The following CNTNAP2 variants were observed in gnomAD, a reference collection of about 807,000 sequenced individuals.
CNTNAP2 encodes contactin associated protein 2.
A neutral mutation model predicts 155.2 loss-of-function variants in CNTNAP2; 98 were observed. The ratio of observed to expected loss-of-function variants is 0.63; its 90% CI spans 0.54 to 0.75. The LOEUF is 0.75. CNTNAP2 is among the 30% of genes least tolerant of loss of function. The pLI is 0.00. For synonymous variants in CNTNAP2, 651 were observed against 631.2 expected (o/e 1.03, Z -0.47); for missense variants, 1,727 against 1,688.1 (o/e 1.02, Z -0.40).
chr7:147,111,486 T>G (rs2129280374), intron 5 of CNTNAP2, among the ~76,000 whole-genome samples: 1 of 152,284 alleles, frequency 6.6e-6, no homozygotes, highest in East Asian at 1.9e-4. Context: ...TCTTCTAAGG[T>G]TTTTAGAGTT....
intron 21 of CNTNAP2, among the ~76,000 whole-genome samples, chr7:148,302,561 T>G (rs935708514): frequency 6.6e-6 from 1 of 152,166 alleles, no homozygotes; most frequent in Non-Finnish European, 1.5e-5. Flanking sequence ...AATCCCCATG[T>G]GTCAAGGGGG....
intron 15 of CNTNAP2, among the ~76,000 whole-genome samples, chr7:148,023,930 A>T (rs1346796150): frequency 6.6e-6 from 1 of 152,162 alleles, no homozygotes; most frequent in African/African-American, 2.4e-5. Flanking sequence ...TGAAGAAGGG[A>T]AAGGCCATAA....
intron 18 of CNTNAP2, among the ~76,000 whole-genome samples, chr7:148,208,920 C>T (rs1335637399): frequency 6.6e-6 from 1 of 152,180 alleles, no homozygotes; most frequent in African/African-American, 2.4e-5. Context: ...GCTCATTTCC[C>T]TGTCCCAGTT....
intron 20 of CNTNAP2, among the ~76,000 whole-genome samples, chr7:148,264,664 G>A (rs1448627712): frequency 1.3e-5 from 2 of 152,032 alleles, no homozygotes; most frequent in Non-Finnish European, 2.9e-5. Flanking sequence ...AATTCTTTAA[G>A]AAAATAGAAC....
chr7:148,165,315 T>C (rs1283716049), intron 17 of CNTNAP2, among the ~76,000 whole-genome samples: 1 of 152,178 alleles, frequency 6.6e-6, no homozygotes. Flanking sequence ...CTCACCTTTA[T>C]GGCCTCATTT....
intron 1 of CNTNAP2, among the ~76,000 whole-genome samples, chr7:146,677,571 C>A (rs560242614): frequency 2.0e-5 from 3 of 152,008 alleles, no homozygotes; most frequent in Non-Finnish European, 4.4e-5. Flanking sequence ...CAATAGGTAG[C>A]CTTTCAGCCC....
intron 1 of CNTNAP2, among the ~76,000 whole-genome samples, chr7:146,767,129 A>C (rs962648323): frequency 6.6e-6 from 1 of 152,128 alleles, no homozygotes; most frequent in Non-Finnish European, 1.5e-5. Flanking sequence ...CTGTTTGATA[A>C]GTTCTTTTGT....
Position 148,418,850 on chromosome 7 carries a change from T to G in CNTNAP2, c.*3234T>G, listed in dbSNP as rs1318247644. On this transcript the variant is annotated 3_prime_UTR_variant, in exon 24 of 24. Coordinates refer to ENST00000361727, the MANE Select transcript of CNTNAP2 (RefSeq NM_014141.6). ...CCTGCATTTGACAAACAAGCATCCT[T>G]TACTAACAAGAGCAGGAATTCAGAG... 6.6e-6 allele frequency: 1 copy of G among 152,334 alleles called. No individual in the cohort carries two copies. The highest frequency in any genetic ancestry group is 2.4e-5 in the African/African-American group (1 of 41,576). The allele number at this position is 152,334 out of a possible 1,614,324, so 9.4% of individuals were successfully genotyped here. A position where few individuals can be genotyped will look rare whatever the true frequency, so the allele number is the denominator to read the frequency against.
intron 1 of CNTNAP2, among the ~76,000 whole-genome samples, chr7:146,755,929 A>T (rs888257194): frequency 2.6e-5 from 4 of 151,932 alleles, no homozygotes; most frequent in African/African-American, 7.2e-5. Context: ...CTAAAATAGA[A>T]TATACTTTGT....
intron 1 of CNTNAP2, among the ~76,000 whole-genome samples, chr7:146,194,911 G>A (rs1584796675): frequency 6.6e-6 from 1 of 152,110 alleles, no homozygotes; most frequent in South Asian, 2.1e-4. Flanking sequence ...TACACTGCTG[G>A]TCACTTCTCC....
chr7:147,619,998 T>C (rs929513234), intron 12 of CNTNAP2, among the ~76,000 whole-genome samples: 2 of 152,172 alleles, frequency 1.3e-5, no homozygotes, highest in Non-Finnish European at 2.9e-5. Flanking sequence ...ACACTCTATT[T>C]GTGTGGGAGG....
intron 12 of CNTNAP2, among the ~76,000 whole-genome samples, chr7:147,570,396 G>A (rs909737416): frequency 1.3e-5 from 2 of 152,084 alleles, no homozygotes; most frequent in African/African-American, 4.8e-5. Context: ...TAACAACAGT[G>A]CCATATTTAG....
chr7:146,190,520 G>A (rs947869894), intron 1 of CNTNAP2, among the ~76,000 whole-genome samples: 1 of 152,130 alleles, frequency 6.6e-6, no homozygotes, highest in African/African-American at 2.4e-5. Context: ...CCAGAAAAAT[G>A]TGCCACATCC....
At chr7:148,053,669 A>G (rs527870017) in intron 15 of CNTNAP2, among the ~76,000 whole-genome samples, 104 of 152,320 alleles carry the variant, frequency 6.8e-4, no homozygotes, top group African/African-American at 2.4e-3. Context: ...CAATAAATAC[A>G]AGAGAAAATC....
intron 1 of CNTNAP2, among the ~76,000 whole-genome samples, chr7:146,527,094 A>AG (rs1367755137): frequency 6.6e-6 from 1 of 151,966 alleles, no homozygotes; most frequent in African/African-American, 2.4e-5. Flanking sequence ...CATTTTTTTT[A>AG]GAAAAAAAAA....
intron 1 of CNTNAP2, among the ~76,000 whole-genome samples, chr7:146,320,702 A>G (rs529031632): frequency 5.6e-4 from 85 of 152,320 alleles, no homozygotes; most frequent in African/African-American, 1.7e-3. Context: ...TTATACAAGT[A>G]TAAAATAATA....
intron 1 of CNTNAP2, among the ~76,000 whole-genome samples, chr7:146,413,000 C>T (rs1307193504): frequency 6.6e-6 from 1 of 152,152 alleles, no homozygotes; most frequent in African/African-American, 2.4e-5. Context: ...GAGTAGACCA[C>T]AAAATGTGGC....
intron 21 of CNTNAP2, among the ~76,000 whole-genome samples, chr7:148,320,416 A>G (rs1283835029): frequency 8.9e-6 from 1 of 112,738 alleles, no homozygotes; most frequent in East Asian, 2.6e-4. Context: ...TGGGGTCTCC[A>G]TAGGTCACCC....
intron 3 of CNTNAP2, among the ~76,000 whole-genome samples, chr7:146,923,030 G>A (rs1202349335): frequency 6.6e-6 from 1 of 152,158 alleles, no homozygotes; most frequent in East Asian, 1.9e-4. Context: ...ATGTAGAAGG[G>A]TCTAGAAAAG....
Sources: allele counts gnomAD v4.1 joint callset (sites outside exome capture counted in the v4.1 genomes callset), GRCh38; gene constraint gnomAD v4.1.1; transcripts MANE v1.5; gene names NCBI Gene and HGNC (gene_info 2026-07-23, HGNC 2026-07-21).